Variants in CPNE4 observed in about 807,000 individuals in gnomAD.
The protein encoded by CPNE4 is copine 4, also known as copine-4.
CPNE4 carries 25 observed loss-of-function variants against 67.9 expected under a neutral mutation model. That is an observed-to-expected ratio of 0.37 (90% CI 0.27 to 0.51). CPNE4 has a LOEUF of 0.51. CPNE4 is among the 20% of genes least tolerant of loss of function. CPNE4 has a pLI of 0.93. For missense variants in CPNE4, 464 were observed against 690.8 expected, an observed-to-expected ratio of 0.67 and a Z score of 3.68; for synonymous variants, 242 against 244.9, an observed-to-expected ratio of 0.99 and a Z score of 0.11.
At chr3:131,723,856 C>T (rs754170386) in intron 2 of CPNE4, among the ~76,000 whole-genome samples, 1 of 152,022 alleles carries the variant, frequency 6.6e-6, no homozygotes, top group Non-Finnish European at 1.5e-5. Context: ...ATTTAGAGCT[C>T]ATTGTATGAG....
chr3:131,637,549 A>G (rs2079425981), intron 7 of CPNE4, among the ~76,000 whole-genome samples: 1 of 152,244 alleles, frequency 6.6e-6, no homozygotes, highest in Admixed American at 6.5e-5. Context: ...ACTATGTTAA[A>G]TGTCCAAACC....
chr3:131,955,089 G>GTTT (rs78932780), intron 1 of CPNE4, among the ~76,000 whole-genome samples: 1 of 148,496 alleles, frequency 6.7e-6, no homozygotes, highest in African/African-American at 2.5e-5. Flanking sequence ...TAAGTTCTGT[G>GTTT]TTTTTTTTTT....
chr3:131,599,625 G>C (rs1438017511), intron 7 of CPNE4, among the ~76,000 whole-genome samples: 3 of 152,122 alleles, frequency 2.0e-5, no homozygotes, highest in African/African-American at 7.2e-5. Flanking sequence ...GTGGTGATCT[G>C]GGCTGGGGCC....
At chr3:131,683,532 C>T (rs1296398597) in intron 6 of CPNE4, among the ~76,000 whole-genome samples, 4 of 152,306 alleles carry the variant, frequency 2.6e-5, no homozygotes, top group South Asian at 2.1e-4. Flanking sequence ...CTTTCCTCTC[C>T]TCTCCTCAAG....
intron 7 of CPNE4, among the ~76,000 whole-genome samples, chr3:131,656,052 T>TC: frequency 7.5e-6 from 1 of 133,132 alleles, no homozygotes; most frequent in East Asian, 2.8e-4. Flanking sequence ...CAATACTGTT[T>TC]CTTTTTTTTT....
chr3:131,621,721 T>A (rs1023519693), intron 7 of CPNE4, among the ~76,000 whole-genome samples: 56 of 152,140 alleles, frequency 3.7e-4, no homozygotes, highest in African/African-American at 1.3e-3. Flanking sequence ...TTAAATGGAA[T>A]GTAGGCCAGG....
chr3:131,779,066 AGAAT>A (rs371620057), intron 2 of CPNE4, among the ~76,000 whole-genome samples: 27 of 152,208 alleles, frequency 1.8e-4, no homozygotes, highest in African/African-American at 5.5e-4. Context: ...AGCCAAAACA[AGAAT>A]GCAATCCCAT....
intron 2 of CPNE4, among the ~76,000 whole-genome samples, chr3:131,826,280 C>T (rs2085156739): frequency 2.0e-5 from 3 of 152,028 alleles, no homozygotes; most frequent in Admixed American, 2.0e-4. Context: ...TGCATCCCCT[C>T]CACCCACCAG....
chr3:131,982,540 T>C (rs1038402611), intron 1 of CPNE4, among the ~76,000 whole-genome samples: 3 of 152,212 alleles, frequency 2.0e-5, no homozygotes, highest in Admixed American at 6.5e-5. Flanking sequence ...CAATTTCTCA[T>C]CCCCTTTACC....
In CPNE4 at chr3:132,020,151, A is replaced by G. The variant is rs1305294144; in HGVS notation, c.-2+14416T>C. ...TGCACATGGGAGACAAGAGCTTGTG[A>G]AGGGCTTTCCCCCTCCTCAGCCCCA... is the stretch of plus-strand genomic sequence containing the variant. On this transcript the variant is annotated intron_variant, in intron 1 of 15. Coordinates refer to ENST00000429747, the MANE Select transcript of CPNE4 (RefSeq NM_130808.3). Among the ~76,000 whole-genome samples, 12 of 152,264 alleles carry G rather than the reference A, an allele frequency of 7.9e-5. 1 individual carries two copies. The highest frequency in any genetic ancestry group is 2.9e-4 in the African/African-American group (12 of 41,556).
intron 2 of CPNE4, among the ~76,000 whole-genome samples, chr3:131,778,573 A>G (rs998246702): frequency 1.3e-5 from 2 of 152,112 alleles, no homozygotes; most frequent in Non-Finnish European, 2.9e-5. Flanking sequence ...CTCCCTCCAT[A>G]GTCTGTGTTT....
intron 1 of CPNE4, among the ~76,000 whole-genome samples, chr3:131,913,488 T>C (rs1443459879): frequency 6.6e-6 from 1 of 152,086 alleles, no homozygotes; most frequent in African/African-American, 2.4e-5. Context: ...GACAACCCAC[T>C]CTGAGGGAAG....
chr3:132,021,139 G>A (rs35083966), intron 1 of CPNE4, among the ~76,000 whole-genome samples: 35,316 of 152,092 alleles, frequency 0.23, 5,244 homozygotes, highest in South Asian at 0.38. Flanking sequence ...AAGTGTTTAC[G>A]TTTGCCTCAT....
At chr3:131,697,605 CA>C in intron 4 of CPNE4, among the ~76,000 whole-genome samples, 2 of 152,160 alleles carry the variant, frequency 1.3e-5, no homozygotes, top group South Asian at 4.2e-4. Context: ...CAGATAGACC[CA>C]AAAATGTGTG....
At position 131,703,651 on chromosome 3, in the gene CPNE4, CT is replaced by C. The variant is rs1285521554; in HGVS notation, c.361-3672del. On this transcript the variant is annotated intron_variant, in intron 3 of 15. Coordinates refer to ENST00000429747, the MANE Select transcript of CPNE4 (RefSeq NM_130808.3). ...ATTCAGCTGAACTTTATTCCGAAGT[CT>C]TTCGAAACAGTCATTTTTGGAACTA... Among the ~76,000 whole-genome samples the C allele has an allele frequency of 5.3e-5, 8 of 152,274 alleles. No homozygotes were observed. In the East Asian group the frequency reaches 1.5e-3, roughly 29 times the overall value.
chr3:131,631,440 GCA>G (rs2079218921), intron 7 of CPNE4, among the ~76,000 whole-genome samples: 1 of 152,114 alleles, frequency 6.6e-6, no homozygotes, highest in Non-Finnish European at 1.5e-5. Flanking sequence ...GTTTGGGTTT[GCA>G]CAGTTTCAAA....
rs549225621 is a variant in CPNE4 at position 131,596,095 on chromosome 3, G to A, written c.682-8513C>T. ...TGCTTACAGTGAACAGTATAGTATT[G>A]TGCACTTCACAATTTGTTAAGTGAG... On this transcript the variant is annotated intron_variant, in intron 7 of 15. Coordinates refer to ENST00000429747, the MANE Select transcript of CPNE4 (RefSeq NM_130808.3). Among the ~76,000 whole-genome samples the A allele has an allele frequency of 5.1e-4, 77 of 152,268 alleles. 2 individuals are homozygous for A. In the South Asian group the frequency reaches 0.015, roughly 30 times the overall value.
chr3:131,946,253 A>G (rs2107871817), intron 1 of CPNE4, among the ~76,000 whole-genome samples: 1 of 152,246 alleles, frequency 6.6e-6, no homozygotes, highest in East Asian at 1.9e-4. Flanking sequence ...TGAATATTTC[A>G]TATTAATGGA....
At chr3:131,555,133 C>T (rs931048110) in intron 12 of CPNE4, among the ~76,000 whole-genome samples, 1 of 152,014 alleles carries the variant, frequency 6.6e-6, no homozygotes, top group Non-Finnish European at 1.5e-5. Context: ...CACGGACTTT[C>T]CCAGTTGGCA....
Sources: gnomAD v4.1 joint callset for allele counts (sites outside exome capture counted in the v4.1 genomes callset) on GRCh38, gnomAD v4.1.1 for gene constraint, MANE v1.5 for transcripts, NCBI Gene and HGNC (gene_info 2026-07-23, HGNC 2026-07-21) for gene names.